Variants in NKAIN2 observed in about 807,000 individuals in gnomAD.
NKAIN2 encodes the protein sodium/potassium transporting ATPase interacting 2.
In NKAIN2, 14 loss-of-function variants were observed where a neutral mutation model predicts 32.6. The ratio of observed to expected loss-of-function variants is 0.43; its 90% CI spans 0.28 to 0.67. The LOEUF (loss-of-function observed/expected upper bound fraction) is 0.67. Ranked by LOEUF, NKAIN2 falls within the 30% of genes least tolerant of loss-of-function variation. NKAIN2 has a pLI of 0.17. For missense variants in NKAIN2, 198 were observed against 258.3 expected (o/e 0.77, Z 1.60); for synonymous variants, 80 against 87.2 (o/e 0.92, Z 0.46).
intron 1 of NKAIN2, among the ~76,000 whole-genome samples, chr6:124,069,785 TGGCTAC>T (rs1783354527): frequency 6.6e-6 from 1 of 152,168 alleles, no homozygotes. Context: ...CATCTCTTGA[TGGCTAC>T]TGGAGCTCAG....
intron 3 of NKAIN2, among the ~76,000 whole-genome samples, chr6:124,600,604 A>G (rs1318016036): frequency 2.0e-5 from 3 of 152,088 alleles, no homozygotes; most frequent in African/African-American, 7.2e-5. Flanking sequence ...CATGGGTAGC[A>G]GCAAAGAGAA....
chr6:124,082,303 A>G (rs1041844947), intron 1 of NKAIN2, among the ~76,000 whole-genome samples: 1 of 152,082 alleles, frequency 6.6e-6, no homozygotes, highest in Non-Finnish European at 1.5e-5. Flanking sequence ...TTTTTATCCA[A>G]TTGCTTAATG....
chr6:124,231,336 G>A (rs1792451217), intron 1 of NKAIN2, among the ~76,000 whole-genome samples: 1 of 152,156 alleles, frequency 6.6e-6, no homozygotes, highest in African/African-American at 2.4e-5. Flanking sequence ...CCTTGTCTCA[G>A]ATAAGACTTT....
At chr6:124,273,436 C>T (rs1794891189) in intron 1 of NKAIN2, among the ~76,000 whole-genome samples, 1 of 152,144 alleles carries the variant, frequency 6.6e-6, no homozygotes, top group Non-Finnish European at 1.5e-5. Context: ...TGAGGCCTCC[C>T]AGACATGCAG....
At chr6:124,455,185 A>T (rs1395254703) in intron 3 of NKAIN2, among the ~76,000 whole-genome samples, 1 of 152,084 alleles carries the variant, frequency 6.6e-6, no homozygotes, top group African/African-American at 2.4e-5. Context: ...ATCATTGAGA[A>T]AAAAGAGTAT....
Position 124,606,656 on chromosome 6 carries a change from T to C in NKAIN2, c.274-51530T>C, listed in dbSNP as rs183253561. 5.6e-3 allele frequency among the ~76,000 whole-genome samples: 858 copies of C among 152,282 alleles called. 8 individuals carry two copies. The highest frequency in any genetic ancestry group is 0.019 in the African/African-American group (798 of 41,570). Reference sequence around the variant, plus strand: ...TGGAGAATAATAATAATAGAAATGATATATGCATTAAAAATACTTTATTGA... The same window carrying C: ...TGGAGAATAATAATAATAGAAATGACATATGCATTAAAAATACTTTATTGA... On this transcript the variant is annotated intron_variant, in intron 3 of 6. Transcript: ENST00000368417.
chr6:124,176,975 A>G (rs1039879290), intron 1 of NKAIN2, among the ~76,000 whole-genome samples: 1 of 152,040 alleles, frequency 6.6e-6, no homozygotes, highest in South Asian at 2.1e-4. Flanking sequence ...GCCTTTCCAT[A>G]TAGTTTTAAA....
At chr6:124,681,430 ATATAAAT>A (rs1773613832) in intron 4 of NKAIN2, among the ~76,000 whole-genome samples, 1 of 152,028 alleles carries the variant, frequency 6.6e-6, no homozygotes, top group African/African-American at 2.4e-5. Flanking sequence ...CCCTGATTGA[ATATAAAT>A]TATATGTTGT....
intron 4 of NKAIN2, among the ~76,000 whole-genome samples, chr6:124,694,740 A>G (rs979046715): frequency 6.6e-6 from 1 of 152,160 alleles, no homozygotes; most frequent in Non-Finnish European, 1.5e-5. Flanking sequence ...GCTGGAAGCC[A>G]TAGTTTAATC....
intron 1 of NKAIN2, among the ~76,000 whole-genome samples, chr6:123,831,475 C>A (rs1189891036): frequency 4.7e-5 from 7 of 148,626 alleles, no homozygotes; most frequent in Non-Finnish European, 1.0e-4. Flanking sequence ...TTAAGATAGC[C>A]ACACTGGTTT....
At chr6:124,705,533 T>A (rs1775015529) in intron 4 of NKAIN2, among the ~76,000 whole-genome samples, 1 of 152,040 alleles carries the variant, frequency 6.6e-6, no homozygotes, top group South Asian at 2.1e-4. Flanking sequence ...GTCTCCTGTT[T>A]GGTAAAAATT....
At chr6:124,776,497 C>T (rs531192576) in intron 4 of NKAIN2, among the ~76,000 whole-genome samples, 39 of 152,278 alleles carry the variant, frequency 2.6e-4, no homozygotes, top group African/African-American at 9.4e-4. Flanking sequence ...AGTACATCAT[C>T]ATTCCAGTCT....
chr6:124,204,035 T>G (rs998309541), intron 1 of NKAIN2, among the ~76,000 whole-genome samples: 1 of 151,830 alleles, frequency 6.6e-6, no homozygotes, highest in African/African-American at 2.4e-5. Flanking sequence ...CAGCATCTGC[T>G]CCAATACAAA....
chr6:123,886,050 C>T (rs181934358), intron 1 of NKAIN2, among the ~76,000 whole-genome samples: 5 of 151,372 alleles, frequency 3.3e-5, no homozygotes, highest in African/African-American at 4.8e-5. Flanking sequence ...AATTAAAATT[C>T]ACTTGTACTA....
chr6:124,305,139 T>C (rs1260538346), intron 2 of NKAIN2, among the ~76,000 whole-genome samples: 1 of 152,162 alleles, frequency 6.6e-6, no homozygotes, highest in African/African-American at 2.4e-5. Context: ...GAGTTTTTCA[T>C]TTTTAAGATT....
At chr6:124,504,804 A>C (rs1778413993) in intron 3 of NKAIN2, among the ~76,000 whole-genome samples, 1 of 152,202 alleles carries the variant, frequency 6.6e-6, no homozygotes. Context: ...TTTTTTGCTC[A>C]GATTTTAGAA....
chr6:124,108,919 C>G (rs1785242317), intron 1 of NKAIN2, among the ~76,000 whole-genome samples: 1 of 151,914 alleles, frequency 6.6e-6, no homozygotes. Flanking sequence ...ATGCCAGTAC[C>G]ATACTATTTT....
intron 1 of NKAIN2, among the ~76,000 whole-genome samples, chr6:123,948,385 A>G (rs1354772657): frequency 6.6e-6 from 1 of 151,886 alleles, no homozygotes; most frequent in Admixed American, 6.6e-5. Flanking sequence ...CATTTCCACC[A>G]ATGGAAATTA....
intron 4 of NKAIN2, among the ~76,000 whole-genome samples, chr6:124,790,352 G>A (rs544331655): frequency 2.6e-5 from 4 of 151,504 alleles, no homozygotes; most frequent in South Asian, 2.1e-4. Context: ...TTTTTTTCCC[G>A]TGCTTTTGCT....
Sources: gnomAD v4.1 joint callset for allele counts (sites outside exome capture counted in the v4.1 genomes callset) on GRCh38, gnomAD v4.1.1 for gene constraint, MANE v1.5 for transcripts, NCBI Gene and HGNC (gene_info 2026-07-23, HGNC 2026-07-21) for gene names.